Variants in SLC44A5 observed in about 807,000 individuals in gnomAD.
SLC44A5 encodes the protein choline transporter-like protein 5.
A neutral mutation model predicts 101.8 loss-of-function variants in SLC44A5; 57 were observed. The ratio of observed to expected loss-of-function variants is 0.56; its 90% CI spans 0.45 to 0.70. The LOEUF (loss-of-function observed/expected upper bound fraction) is 0.70. Ranked by LOEUF, SLC44A5 falls within the 30% of genes least tolerant of loss-of-function variation. The pLI, the probability that SLC44A5 is intolerant of heterozygous loss-of-function variation, is 0.00. For synonymous variants in SLC44A5, 281 were observed against 290.9 expected (o/e 0.97, Z 0.35); for missense variants, 737 against 853.1 (o/e 0.86, Z 1.70).
chr1:75,211,426 G>T (rs1466679847), intron 23 of SLC44A5, 42 bp downstream of exon 23: 1 of 1,498,168 alleles, frequency 6.7e-7, no homozygotes, highest in Non-Finnish European at 9.3e-7. Flanking sequence ...TCACCTTTCA[G>T]TTATCCACCG....
intron 3 of SLC44A5, among the ~76,000 whole-genome samples, chr1:75,389,915 C>T (rs973346887): frequency 6.6e-6 from 1 of 151,930 alleles, no homozygotes; most frequent in Non-Finnish European, 1.5e-5. Flanking sequence ...CGCCAATAGA[C>T]TACTAGCTAG....
At chr1:75,478,914 A>G (rs1667622027) in intron 2 of SLC44A5, among the ~76,000 whole-genome samples, 1 of 152,242 alleles carries the variant, frequency 6.6e-6, no homozygotes, top group Admixed American at 6.5e-5. Flanking sequence ...ATAGACATCT[A>G]CAGAACTCTC....
At chr1:75,232,419 G>A (rs998204639) in intron 12 of SLC44A5, among the ~76,000 whole-genome samples, 2 of 151,910 alleles carry the variant, frequency 1.3e-5, no homozygotes, top group African/African-American at 2.4e-5. Context: ...CTCCAAGCAG[G>A]AACACAAAAA....
chr1:75,664,942 A>G, the SLC44A5 span, among the ~76,000 whole-genome samples: 2 of 151,526 alleles, frequency 1.3e-5, no homozygotes, highest in Admixed American at 6.6e-5. Context: ...AAAAAAAAAA[A>G]AAAGAAATCA....
At chr1:75,550,057 T>G (rs1475660699) in intron 1 of SLC44A5, among the ~76,000 whole-genome samples, 1 of 152,122 alleles carries the variant, frequency 6.6e-6, no homozygotes, top group Non-Finnish European at 1.5e-5. Context: ...GTTTTCATTT[T>G]TAAAAGATTA....
intron 3 of SLC44A5, among the ~76,000 whole-genome samples, chr1:75,344,742 T>A (rs568912113): frequency 6.6e-6 from 1 of 152,256 alleles, no homozygotes; most frequent in South Asian, 2.1e-4. Context: ...ATCCTGCTAA[T>A]CCCTTGATTT....
intron 3 of SLC44A5, among the ~76,000 whole-genome samples, chr1:75,352,194 T>C (rs961267366): frequency 3.9e-5 from 6 of 152,274 alleles, no homozygotes; most frequent in African/African-American, 1.4e-4. Flanking sequence ...TTGTCTCTTT[T>C]TTTTCTTCAA....
At chr1:75,295,798 C>T (rs1653917357) in intron 5 of SLC44A5, among the ~76,000 whole-genome samples, 1 of 152,086 alleles carries the variant, frequency 6.6e-6, no homozygotes, top group African/African-American at 2.4e-5. Flanking sequence ...AATACAAAGT[C>T]TCTACACCTA....
upstream of SLC44A5, chr1:75,611,210 G>GC (rs1675641184): frequency 2.1e-6 from 1 of 467,520 alleles, no homozygotes; most frequent in Admixed American, 6.4e-5. Flanking sequence ...TACTAGCCTT[G>GC]CTAGCCTCAA....
chr1:75,310,519 T>A (rs1281947653), intron 4 of SLC44A5, among the ~76,000 whole-genome samples: 7 of 152,224 alleles, frequency 4.6e-5, no homozygotes, highest in Non-Finnish European at 1.0e-4. Flanking sequence ...AAAAAAGTGT[T>A]TTGCTTTTCA....
chr1:75,605,356 T>A (rs1390059548), intron 1 of SLC44A5, among the ~76,000 whole-genome samples: 1 of 151,744 alleles, frequency 6.6e-6, no homozygotes, highest in African/African-American at 2.4e-5. Flanking sequence ...TTATTAAGAA[T>A]GAGAAGGTGG....
chr1:75,212,886 C>G (rs1013992610), intron 22 of SLC44A5, among the ~76,000 whole-genome samples: 3 of 152,166 alleles, frequency 2.0e-5, no homozygotes, highest in Non-Finnish European at 4.4e-5. Context: ...TACACTGCCT[C>G]ATCCATCCTC....
chr1:75,251,342 C>T (rs1649556781), intron 6 of SLC44A5, 48 bp from the exon 7 acceptor site: 1 of 1,459,996 alleles, frequency 6.8e-7, no homozygotes, highest in African/African-American at 1.4e-5. Flanking sequence ...GGAAATGTTC[C>T]ATATCATTTC....
At chr1:75,547,211 A>T (rs1020628596) in intron 1 of SLC44A5, among the ~76,000 whole-genome samples, 2 of 152,310 alleles carry the variant, frequency 1.3e-5, no homozygotes, top group East Asian at 1.9e-4. Context: ...CAACTTTATT[A>T]TGTCCTAATT....
intron 1 of SLC44A5, among the ~76,000 whole-genome samples, chr1:75,543,653 A>G (rs1671483753): frequency 2.2e-5 from 3 of 133,994 alleles, no homozygotes; most frequent in East Asian, 2.1e-4. Flanking sequence ...ATATATACAC[A>G]TATATACACA....
At chr1:75,478,382 G>T (rs930147532) in intron 2 of SLC44A5, among the ~76,000 whole-genome samples, 4 of 152,130 alleles carry the variant, frequency 2.6e-5, no homozygotes, top group Admixed American at 2.0e-4. Flanking sequence ...ATAATGACAG[G>T]ATCAAATTCA....
chr1:75,555,093 A>G, intron 1 of SLC44A5, among the ~76,000 whole-genome samples: 1 of 152,150 alleles, frequency 6.6e-6, no homozygotes, highest in Non-Finnish European at 1.5e-5. Context: ...TGGACTAGAC[A>G]CTCCAATTAA....
intron 19 of SLC44A5, among the ~76,000 whole-genome samples, chr1:75,214,909 G>A (rs1646931648): frequency 6.6e-6 from 1 of 152,136 alleles, no homozygotes; most frequent in Admixed American, 6.6e-5. Flanking sequence ...CTCAAACTCT[G>A]GGGGATTAGA....
In SLC44A5 at chr1:75,274,924, T is replaced by C. The variant is rs368498183; in HGVS notation, c.260+34A>G. On this transcript the variant is annotated intron_variant, in intron 6 of 23. Coordinates refer to ENST00000370859, the MANE Select transcript of SLC44A5 (RefSeq NM_001130058.2). ...GATATCTAGGTTCCAGTTTAGACAG[T>C]AAAATCACACAAAGCAAAGGTGGCC... 5.4e-5 allele frequency: 84 copies of C among 1,549,310 alleles called. No homozygotes were observed. The African/African-American group carries it at 1.1e-3, about 21-fold the overall frequency.
Sources: gnomAD v4.1 joint callset for allele counts (sites outside exome capture counted in the v4.1 genomes callset) on GRCh38, gnomAD v4.1.1 for gene constraint, MANE v1.5 for transcripts, NCBI Gene and HGNC (gene_info 2026-07-23, HGNC 2026-07-21) for gene names.